Variants in MFN2 observed in about 807,000 individuals in gnomAD.
The protein encoded by MFN2 is mitofusin 2.
In MFN2, 43 loss-of-function variants were observed where a neutral mutation model predicts 87.5. The ratio of observed to expected loss-of-function variants is 0.49; its 90% confidence interval spans 0.38 to 0.63. The LOEUF is 0.63. MFN2 is among the 30% of genes least tolerant of loss of function. The probability of loss-of-function intolerance (pLI) is 0.00; values close to 1 mark genes in which losing one functional copy is unlikely to be tolerated. For synonymous variants in MFN2, 337 were observed against 359.9 expected, an observed-to-expected ratio of 0.94 and a Z score of 0.72; for missense variants, 743 against 972.8, an observed-to-expected ratio of 0.76 and a Z score of 3.14.
intron 2 of MFN2, among the ~76,000 whole-genome samples, chr1:11,985,019 A>G (rs1449503074): frequency 6.6e-6 from 1 of 152,182 alleles, no homozygotes; most frequent in Non-Finnish European, 1.5e-5. Flanking sequence ...TCGGTGAGAA[A>G]TTCTGGAGGC....
rs370361252 is a variant in MFN2, at chr1:11,989,371, C to T, written c.175+28C>T. The stretch of plus-strand genomic sequence containing the variant: ...AAGGGGGCACCGGCTCAGCCAGGCC[C>T]GCTCTTACCTGTTTAGATATTTAGC... On this transcript the variant is annotated intron_variant, in intron 3 of 18. Coordinates refer to ENST00000235329, the MANE Select transcript of MFN2 (RefSeq NM_014874.4). 1,933 of 1,611,348 alleles carry T rather than the reference C, an allele frequency of 1.2e-3. 1 individual carries two copies. The highest frequency in any genetic ancestry group is 1.5e-3 in the Non-Finnish European group (1,811 of 1,178,750).
chr1:11,987,226 C>T (rs558628561), intron 2 of MFN2, among the ~76,000 whole-genome samples: 2 of 151,146 alleles, frequency 1.3e-5, no homozygotes, highest in African/African-American at 2.4e-5. Context: ...GCAGGAGGAT[C>T]GCTTGAACCT....
chr1:12,001,586 C>T (rs2100839631), intron 9 of MFN2, 32 bp downstream of exon 9: 2 of 1,614,010 alleles, frequency 1.2e-6, no homozygotes, highest in Non-Finnish European at 1.7e-6. Flanking sequence ...CTCCTTTTCT[C>T]TGATGTTTGA....
rs1343202091 is a variant in MFN2, at chr1:12,003,779, A to C, written c.1161-213A>C. Among the ~76,000 whole-genome samples, 1 of 152,098 alleles carries C rather than the reference A, an allele frequency of 6.6e-6. No homozygotes were observed. The highest frequency in any genetic ancestry group is 1.5e-5 in the Non-Finnish European group (1 of 68,026). On this transcript the variant is annotated intron_variant, in intron 11 of 18. Coordinates refer to ENST00000235329, the MANE Select transcript of MFN2 (RefSeq NM_014874.4). The surrounding 1 kb of genome is among the most constrained non-coding windows in gnomAD (Gnocchi z 4.1). ...AAAGCGCCCTCCCTGTTTTGTGCCCACCACCTGACCCACATCGAAGACTGA... is the reference window on the plus strand; with the variant it reads ...AAAGCGCCCTCCCTGTTTTGTGCCCCCCACCTGACCCACATCGAAGACTGA...
At chr1:11,984,840 G>A (rs1638323810) in intron 2 of MFN2, among the ~76,000 whole-genome samples, 1 of 152,200 alleles carries the variant, frequency 6.6e-6, no homozygotes. Flanking sequence ...GAAACTACAC[G>A]CCTCTTCCCC....
chr1:12,011,530 A>G lies in MFN2; in HGVS notation c.2239A>G (p.Met747Val), dbSNP rs1259403735. The change falls in exon 19 of 19, where the codon ATG becomes GTG. Residue 747 changes from methionine (M) to valine (V), a missense_variant. Around this residue, in one of 3 missense-constraint regions of MFN2, gnomAD observed 571 missense variants for 670.7 expected, o/e 0.85. Transcript: ENST00000235329. ...CGGTTGGTTGGACAGTGAGCTCAAC[A>G]TGTTCACACACCAGTACCTGCAGCC... ...KAGWLDSELN[M>V]FTHQYLQPSR 6.2e-7 allele frequency: 1 copy of G among 1,614,166 alleles called. No individual in the cohort carries two copies. Among genetic ancestry groups the G allele is most frequent in the Non-Finnish European group, 8.5e-7 (1 of 1,180,042 alleles).
intron 2 of MFN2, among the ~76,000 whole-genome samples, chr1:11,982,779 G>A (rs1421843281): frequency 6.6e-6 from 1 of 152,148 alleles, no homozygotes; most frequent in Non-Finnish European, 1.5e-5. Context: ...TTCATTTCTG[G>A]TCTTAGGTTA....
chr1:11,984,581 TATA>T (rs1208340943), intron 2 of MFN2, among the ~76,000 whole-genome samples: 1 of 152,192 alleles, frequency 6.6e-6, no homozygotes, highest in Non-Finnish European at 1.5e-5. Context: ...GGTTTTTTGA[TATA>T]ATGTTAGATG....
At chr1:11,996,804 G>A (rs1157518351) in intron 5 of MFN2, among the ~76,000 whole-genome samples, 4 of 152,174 alleles carry the variant, frequency 2.6e-5, no homozygotes, top group East Asian at 1.9e-4. Flanking sequence ...TTGGGAGGCC[G>A]AGGTGGATGG....
chr1:11,984,343 C>T (rs1638298326), intron 2 of MFN2, among the ~76,000 whole-genome samples: 2 of 152,246 alleles, frequency 1.3e-5, no homozygotes, highest in East Asian at 1.9e-4. Flanking sequence ...TGCCTCTGCC[C>T]TCCCTGAAGG....
At chr1:11,996,422 G>A in intron 5 of MFN2, 104 bp downstream of exon 5, 1 of 1,367,650 alleles carries the variant, frequency 7.3e-7, no homozygotes, top group Non-Finnish European at 1.0e-6. Flanking sequence ...GCACCACCCT[G>A]TGGAGGTGAA....
rs527372594 is a variant in MFN2 at position 12,008,724 on chromosome 1, G to C, written c.2070-868G>C. Among the ~76,000 whole-genome samples the C allele has an allele frequency of 2.8e-3, 425 of 152,066 alleles. 1 individual carries two copies. Among genetic ancestry groups the C allele is most frequent in the African/African-American group, 1.0e-2 (414 of 41,466 alleles). Reference sequence around the variant, plus strand: ...GAAGAGGTGCTCCTCACTTCCCAGAGTGGGCAGCCGGGCAGAGGGGCTCCT... The same window carrying C: ...GAAGAGGTGCTCCTCACTTCCCAGACTGGGCAGCCGGGCAGAGGGGCTCCT... On this transcript the variant is annotated intron_variant, in intron 17 of 18. Transcript: ENST00000235329.
At chr1:11,992,521 C>T in intron 3 of MFN2, 34 bp from the exon 4 acceptor site, 1 of 1,614,030 alleles carries the variant, frequency 6.2e-7, no homozygotes, top group Non-Finnish European at 8.5e-7. Context: ...CTCCTCTGAC[C>T]ACGTGGTGAC....
chr1:11,998,462 C>T (rs931388645), intron 6 of MFN2, among the ~76,000 whole-genome samples: 2 of 152,036 alleles, frequency 1.3e-5, no homozygotes, highest in South Asian at 2.1e-4. Flanking sequence ...GCAGGAGGAT[C>T]GCTTGAACCT....
At chr1:11,989,923 C>T (rs770039808) in intron 3 of MFN2, among the ~76,000 whole-genome samples, 7 of 152,330 alleles carry the variant, frequency 4.6e-5, no homozygotes, top group Non-Finnish European at 7.3e-5. Flanking sequence ...GGGCCCCGCT[C>T]GTCTGAGTGT....
chr1:12,002,094 G>A lies in MFN2; in HGVS notation c.1151G>A (p.Arg384Gln), dbSNP rs565042936. ...ATGGACTCCCTGCACATGGCGGCTC[G>A]GGAGCAGCAGTAAGAGTCCAAGACT... ...LIMDSLHMAA[R>Q]EQQVYCEEMR... Residue 384 changes from arginine to glutamine, a missense_variant, in exon 11 of 19, where the codon CGG becomes CAG. Transcript: ENST00000235329. The A allele has an allele frequency of 6.2e-6, 10 of 1,614,208 alleles. No homozygotes were observed. The highest frequency in any genetic ancestry group is 1.6e-4 in the Middle Eastern group (1 of 6,062).
chr1:12,011,456 C>G (rs772865314), intron 18 of MFN2, 40 bp from the exon 19 acceptor site: 2 of 1,609,828 alleles, frequency 1.2e-6, no homozygotes, highest in Non-Finnish European at 1.7e-6. Flanking sequence ...TACTGCCTAT[C>G]ATCAGCTATC....
At chr1:11,992,001 T>C (rs1638706912) in intron 3 of MFN2, among the ~76,000 whole-genome samples, 1 of 141,398 alleles carries the variant, frequency 7.1e-6, no homozygotes, top group Non-Finnish European at 1.5e-5. Context: ...CCAGGCTGCC[T>C]AATTCAAATC....
At position 12,006,591 on chromosome 1, in the gene MFN2, A is replaced by G. The variant is rs776537176; in HGVS notation, c.1770A>G (p.Pro590=). 9 of 1,614,076 alleles carry G rather than the reference A, an allele frequency of 5.6e-6. No individual in the cohort carries two copies. The East Asian group carries it at 1.8e-4, about 32-fold the overall frequency. ...CCAACCCCAGCATGCCCCCACTGCC[A>G]CAGGGCTCGCTCACCCAGGAGGAGT... is the stretch of plus-strand genomic sequence containing the variant. The part of the protein sequence containing the change: ...TPANPSMPPL[P]QGSLTQEEFM... Residue 590 remains proline, a synonymous_variant, in exon 16 of 19, where the codon CCA becomes CCG. Transcript: ENST00000235329.
Sources: allele counts gnomAD v4.1 joint callset (sites outside exome capture counted in the v4.1 genomes callset), GRCh38; gene constraint gnomAD v4.1.1; regional missense constraint gnomAD v4.1.1; non-coding constraint Gnocchi (gnomAD v3.1); transcripts MANE v1.5; gene names NCBI Gene and HGNC (gene_info 2026-07-23, HGNC 2026-07-21).